KDM4C: variants seen among roughly 807,000 people sequenced by gnomAD.
KDM4C encodes lysine-specific demethylase 4C.
A neutral mutation model predicts 129.3 loss-of-function variants in KDM4C; 81 were observed. The observed-to-expected ratio is 0.63, with a 90% CI of 0.52 to 0.75. KDM4C has a LOEUF of 0.75. Among genes scored for constraint, KDM4C ranks in the 30% least tolerant of loss-of-function variants. The pLI, the probability that KDM4C is intolerant of heterozygous loss-of-function variation, is 0.00. For synonymous variants in KDM4C, 573 were observed against 456.1 expected (o/e 1.26, Z -3.26); for missense variants, 1,457 against 1,304.0 (o/e 1.12, Z -1.81).
chr9:7,053,435 C>A (rs1211024962), intron 17 of KDM4C, among the ~76,000 whole-genome samples: 1 of 152,056 alleles, frequency 6.6e-6, no homozygotes, highest in Non-Finnish European at 1.5e-5. Context: ...GGAAAACAAG[C>A]CTTTTGGTGC....
At chr9:6,795,342 T>G (rs1827524616) in intron 2 of KDM4C, among the ~76,000 whole-genome samples, 1 of 152,224 alleles carries the variant, frequency 6.6e-6, no homozygotes, top group Non-Finnish European at 1.5e-5. Context: ...TGTTGTTGTT[T>G]CTTTTTGAGA....
At chr9:6,924,875 T>C (rs1264854504) in intron 8 of KDM4C, 1 of 984,472 alleles carries the variant, frequency 1.0e-6, no homozygotes, top group East Asian at 1.1e-4. Context: ...TTTCAATGAA[T>C]ATTTGGGGTG....
intron 3 of KDM4C, among the ~76,000 whole-genome samples, chr9:6,813,467 C>T (rs1304166979): frequency 6.6e-6 from 1 of 152,130 alleles, no homozygotes; most frequent in African/African-American, 2.4e-5. Context: ...ATTTGGTATT[C>T]TTGTTACACA....
At chr9:6,793,745 G>T (rs987581888) in intron 2 of KDM4C, among the ~76,000 whole-genome samples, 2 of 151,946 alleles carry the variant, frequency 1.3e-5, no homozygotes, top group Non-Finnish European at 2.9e-5. Context: ...GTTTCACCAT[G>T]TTGGCCAGGC....
intron 2 of KDM4C, among the ~76,000 whole-genome samples, chr9:6,797,321 G>T (rs549755331): frequency 1.9e-4 from 29 of 152,184 alleles, no homozygotes; most frequent in African/African-American, 6.0e-4. Context: ...TAATGAATTG[G>T]TCTTAATTTA....
intron 8 of KDM4C, among the ~76,000 whole-genome samples, chr9:6,938,153 C>T (rs1257683376): frequency 2.6e-5 from 4 of 152,102 alleles, no homozygotes; most frequent in African/African-American, 9.7e-5. Flanking sequence ...GCACTGCCCT[C>T]CTCCAGCCAA....
intron 19 of KDM4C, among the ~76,000 whole-genome samples, chr9:7,131,945 C>G (rs1840687938): frequency 6.6e-6 from 1 of 152,182 alleles, no homozygotes; most frequent in African/African-American, 2.4e-5. Flanking sequence ...TGTCCAAAAA[C>G]TCTCTAATCC....
chr9:6,772,569 C>T (rs2130641706), intron 1 of KDM4C, among the ~76,000 whole-genome samples: 1 of 152,318 alleles, frequency 6.6e-6, no homozygotes, highest in East Asian at 1.9e-4. Flanking sequence ...CCATGTTGGT[C>T]AGGCTGGTCT....
intron 1 of KDM4C, among the ~76,000 whole-genome samples, chr9:6,767,624 G>A (rs1404509718): frequency 6.6e-6 from 1 of 152,020 alleles, no homozygotes; most frequent in African/African-American, 2.4e-5. Flanking sequence ...TAGTACAGAT[G>A]GGGTTTTGCC....
chr9:6,763,522 G>T (rs1820004233), intron 1 of KDM4C, among the ~76,000 whole-genome samples: 1 of 152,144 alleles, frequency 6.6e-6, no homozygotes, highest in Non-Finnish European at 1.5e-5. Flanking sequence ...CCCAGAGAAA[G>T]GTTCCCACAA....
intron 5 of KDM4C, among the ~76,000 whole-genome samples, chr9:6,869,775 C>T (rs1180257549): frequency 2.0e-5 from 3 of 152,212 alleles, no homozygotes; most frequent in Admixed American, 6.5e-5. Context: ...AGGGCCTTGC[C>T]AGGAGTGGGA....
intron 6 of KDM4C, among the ~76,000 whole-genome samples, chr9:6,881,405 ATAGAT>A (rs1316956502): frequency 6.6e-6 from 1 of 152,214 alleles, no homozygotes; most frequent in African/African-American, 2.4e-5. Context: ...GTTTTGGATA[ATAGAT>A]TAGAGTAGAG....
chr9:6,966,338 G>A (rs1264851536), intron 8 of KDM4C, among the ~76,000 whole-genome samples: 6 of 152,262 alleles, frequency 3.9e-5, no homozygotes, highest in Middle Eastern at 3.4e-3. Flanking sequence ...GCCCGCCACT[G>A]CGCCCAGCTA....
In KDM4C at chr9:6,981,109, C is replaced by T. The variant is rs896253013; in HGVS notation, c.1106C>T (p.Ala369Val). ...WLQRRRKVRK[A>V]SRSFQCARST... ...CAGAGGAGGAGGAAAGTAAGAAAAGCATCCCGAAGGTAATGACCCCTCACC... is the reference window on the plus strand; with the variant it reads ...CAGAGGAGGAGGAAAGTAAGAAAAGTATCCCGAAGGTAATGACCCCTCACC... Residue 369 changes from alanine (A) to valine (V), a missense_variant, in exon 9 of 22, where the codon GCA becomes GTA. Ala to Val is a moderately conservative substitution (Grantham distance 64). Coordinates refer to ENST00000381309, the MANE Select transcript of KDM4C (RefSeq NM_015061.6). The T allele has an allele frequency of 3.1e-6, 5 of 1,610,912 alleles. No homozygotes were observed. Among genetic ancestry groups the T allele is most frequent in the Middle Eastern group, 1.6e-4 (1 of 6,066 alleles).
chr9:6,788,148 T>C (rs956661232), intron 1 of KDM4C, among the ~76,000 whole-genome samples: 7 of 152,178 alleles, frequency 4.6e-5, no homozygotes, highest in African/African-American at 1.7e-4. Context: ...CTACCCTGTA[T>C]AAAATAGCCA....
chr9:7,005,527 AG>A lies in KDM4C; in HGVS notation c.1787-6169del, dbSNP rs1487995052. On this transcript the variant is annotated intron_variant, in intron 12 of 21. Coordinates refer to ENST00000381309, the MANE Select transcript of KDM4C (RefSeq NM_015061.6). ...TTTCTACTCTAATTTATTTAACTAA[AG>A]GTAAGGGGACTAGGCTGCCTTCAGC... Among the ~76,000 whole-genome samples, 946 of 152,212 alleles carry A rather than the reference AG, an allele frequency of 6.2e-3. 10 individuals are homozygous for A. The highest frequency in any genetic ancestry group is 0.022 in the African/African-American group (909 of 41,502).
At chr9:6,842,604 G>A (rs977850564) in intron 4 of KDM4C, among the ~76,000 whole-genome samples, 4 of 152,008 alleles carry the variant, frequency 2.6e-5, no homozygotes, top group Admixed American at 6.5e-5. Flanking sequence ...CCAAAGTGCT[G>A]GGATTACGGA....
In KDM4C at chr9:7,016,860, G is replaced by T. The variant is rs191013699; in HGVS notation, c.2259+931G>T. On this transcript the variant is annotated intron_variant, in intron 15 of 21. Transcript: ENST00000381309. ...TGTCCATCCCTATTTTGCAATACTT[G>T]AAAATAAGTATTTCAAGTAACAGTC... Among the ~76,000 whole-genome samples, 41 of 152,186 alleles carry T rather than the reference G, an allele frequency of 2.7e-4. 1 individual carries two copies. The East Asian group carries it at 7.7e-3, about 29-fold the overall frequency.
chr9:6,917,278 C>A (rs897455134), intron 8 of KDM4C, among the ~76,000 whole-genome samples: 1 of 152,170 alleles, frequency 6.6e-6, no homozygotes, highest in African/African-American at 2.4e-5. Flanking sequence ...CTGATCTACA[C>A]CACCTGTCTC....
Sources: gnomAD v4.1 joint callset for allele counts (sites outside exome capture counted in the v4.1 genomes callset) on GRCh38, gnomAD v4.1.1 for gene constraint, MANE v1.5 for transcripts, NCBI Gene and HGNC (gene_info 2026-07-23, HGNC 2026-07-21) for gene names.